The following ECT2L variants were observed in gnomAD, a reference collection of about 807,000 sequenced individuals.
ECT2L encodes epithelial cell-transforming sequence 2 oncogene-like.
In ECT2L, 126 loss-of-function variants were observed where a neutral mutation model predicts 122.8. The ratio of observed to expected loss-of-function variants is 1.03; its 90% confidence interval spans 0.89 to 1.19. The LOEUF (loss-of-function observed/expected upper bound fraction) is 1.19. Among genes scored for constraint, ECT2L ranks in the 50% most tolerant of loss-of-function variants. ECT2L has a pLI of 0.00. For synonymous variants in ECT2L, 385 were observed against 381.8 expected (o/e 1.01, Z -0.10); for missense variants, 1,012 against 1,064.1 (o/e 0.95, Z 0.68).
chr6:138,832,097 T>C (rs1028647151), intron 4 of ECT2L, among the ~76,000 whole-genome samples: 3 of 152,124 alleles, frequency 2.0e-5, no homozygotes, highest in African/African-American at 7.2e-5. Flanking sequence ...TTCTCTAGTT[T>C]TCCCTCCTTT....
intron 4 of ECT2L, among the ~76,000 whole-genome samples, chr6:138,829,307 G>C (rs1288425494): frequency 2.6e-5 from 4 of 152,148 alleles, no homozygotes; most frequent in Non-Finnish European, 5.9e-5. Flanking sequence ...TGCCGTAATA[G>C]AGCACTCTTA....
chr6:138,861,436 A>ATGGTATCTCATTGTGGTTTTGATT (rs1562479760), intron 10 of ECT2L, among the ~76,000 whole-genome samples: 1 of 152,112 alleles, frequency 6.6e-6, no homozygotes, highest in Non-Finnish European at 1.5e-5. Context: ...CTGGCGTGAG[A>ATGGTATCTCATTGTGGTTTTGATT]TGGTATCTCA....
chr6:138,803,491 TA>T (rs1407292037), intron 1 of ECT2L, among the ~76,000 whole-genome samples: 1 of 152,194 alleles, frequency 6.6e-6, no homozygotes, highest in African/African-American at 2.4e-5. Context: ...AAAAATCCCA[TA>T]TGTTGGCTCT....
chr6:138,844,258 G>A (rs1777141614), intron 6 of ECT2L, among the ~76,000 whole-genome samples, 154 bp from the exon 7 acceptor site: 1 of 152,196 alleles, frequency 6.6e-6, no homozygotes, highest in African/African-American at 2.4e-5. Context: ...CCAAGAGGAT[G>A]AGAAATCCAA....
chr6:138,840,477 A>G (rs943435929), intron 5 of ECT2L, among the ~76,000 whole-genome samples: 1 of 152,160 alleles, frequency 6.6e-6, no homozygotes, highest in African/African-American at 2.4e-5. Context: ...TACCTCTAGC[A>G]CAAGTGTGCT....
At position 138,902,870 on chromosome 6, in the gene ECT2L, G is replaced by A. The variant is rs1779450697; in HGVS notation, c.*243G>A. The A allele has an allele frequency of 7.3e-6, 3 of 409,536 alleles. No individual in the cohort carries two copies. Among genetic ancestry groups the A allele is most frequent in the South Asian group, 2.5e-5 (1 of 40,054 alleles). The allele number at this position is 409,536 out of a possible 1,614,324, so 25.4% of individuals were successfully genotyped here. ...ACTTCTTTTGGTAGCTGTATTTCAT[G>A]GATAATATTATTTAGAGTAATTTGA... On this transcript the variant is annotated 3_prime_UTR_variant, in exon 22 of 22. Transcript: ENST00000541398.
intron 7 of ECT2L, among the ~76,000 whole-genome samples, chr6:138,845,025 T>C (rs982586417): frequency 2.6e-5 from 4 of 152,150 alleles, no homozygotes; most frequent in African/African-American, 9.7e-5. Flanking sequence ...CACAAGTGTT[T>C]TCTACGAAGT....
At chr6:138,801,110 A>T (rs540440370) in intron 1 of ECT2L, among the ~76,000 whole-genome samples, 17 of 152,236 alleles carry the variant, frequency 1.1e-4, no homozygotes, top group Admixed American at 1.1e-3. Flanking sequence ...TACATTGGCC[A>T]TTAAGGTTCA....
Position 138,846,573 on chromosome 6 carries a change from T to C in ECT2L, c.799T>C (p.Leu267=), listed in dbSNP as rs199899311. ...TTCTGGAAGCCATTCCTACCCTTTA[T>C]TATCAAAGAAAAATTGGCATGGAGT... ...NISGSHSYPL[L]SKKNWHGVHK... The change falls in exon 8 of 22, where the codon TTA becomes CTA. Residue 267 remains leucine (L), a synonymous_variant. Coordinates refer to ENST00000541398, the MANE Select transcript of ECT2L (RefSeq NM_001077706.3). The C allele has an allele frequency of 4.4e-6, 7 of 1,607,104 alleles. No individual in the cohort carries two copies. The highest frequency in any genetic ancestry group is 5.9e-6 in the Non-Finnish European group (7 of 1,178,096).
chr6:138,891,189 C>A (rs991833743), intron 20 of ECT2L, among the ~76,000 whole-genome samples: 1 of 152,160 alleles, frequency 6.6e-6, no homozygotes, highest in Non-Finnish European at 1.5e-5. Flanking sequence ...AAGTAAGATA[C>A]CAAATTCTAA....
chr6:138,804,871 A>T (rs969799527), intron 1 of ECT2L, among the ~76,000 whole-genome samples: 1 of 152,210 alleles, frequency 6.6e-6, no homozygotes. Flanking sequence ...AATACAGGAC[A>T]TAGAAAAACA....
chr6:138,893,185 G>T (rs56120526), intron 20 of ECT2L, among the ~76,000 whole-genome samples: 1,470 of 122,590 alleles, frequency 0.012, 15 homozygotes, highest in African/African-American at 0.049. Context: ...TTTTTTTTTT[G>T]TTTTTTTTTG....
At chr6:138,854,002 G>A (rs750462721) in intron 9 of ECT2L, 24 bp from the exon 10 acceptor site, 1 of 1,609,344 alleles carries the variant, frequency 6.2e-7, no homozygotes, top group Non-Finnish European at 8.5e-7. Context: ...AAGCTAATAT[G>A]ACATTTTGAT....
At chr6:138,890,303 GTAA>G (rs1264537399) in intron 20 of ECT2L, among the ~76,000 whole-genome samples, 1 of 151,982 alleles carries the variant, frequency 6.6e-6, no homozygotes, top group African/African-American at 2.4e-5. Flanking sequence ...TCCAATAAAT[GTAA>G]TAAAAATTGA....
At chr6:138,895,702 G>C (rs1779185598) in intron 20 of ECT2L, among the ~76,000 whole-genome samples, 2 of 151,922 alleles carry the variant, frequency 1.3e-5, no homozygotes, top group African/African-American at 4.8e-5. Flanking sequence ...TCCCAAAAAA[G>C]CTTGAAGTAC....
chr6:138,801,567 C>T (rs1395867390), intron 1 of ECT2L, among the ~76,000 whole-genome samples: 1 of 152,108 alleles, frequency 6.6e-6, no homozygotes, highest in Non-Finnish European at 1.5e-5. Context: ...GTCTGGCCAA[C>T]ATGGTGAAAC....
At chr6:138,892,803 A>T (rs376158202) in intron 20 of ECT2L, among the ~76,000 whole-genome samples, 1 of 152,184 alleles carries the variant, frequency 6.6e-6, no homozygotes, top group Admixed American at 6.5e-5. Flanking sequence ...AGCACCGCTT[A>T]TAACTTTTTG....
intron 11 of ECT2L, among the ~76,000 whole-genome samples, chr6:138,864,338 G>A (rs1309086267): frequency 6.6e-6 from 1 of 152,082 alleles, no homozygotes; most frequent in Non-Finnish European, 1.5e-5. Flanking sequence ...ACAAAAACAT[G>A]TTGTGAACCT....
At chr6:138,880,379 A>C (rs1322087277) in intron 14 of ECT2L, among the ~76,000 whole-genome samples, 6 of 152,142 alleles carry the variant, frequency 3.9e-5, no homozygotes, top group Non-Finnish European at 8.8e-5. Context: ...CCCATTCATG[A>C]AGGAGGAGTC....
Sources: allele counts gnomAD v4.1 joint callset (sites outside exome capture counted in the v4.1 genomes callset), GRCh38; gene constraint gnomAD v4.1.1; transcripts MANE v1.5; gene names NCBI Gene and HGNC (gene_info 2026-07-23, HGNC 2026-07-21).